Variants in ADK observed in about 807,000 individuals in gnomAD.
ADK encodes the protein adenosine kinase.
In ADK, 24 loss-of-function variants were observed where a neutral mutation model predicts 44.7. The observed-to-expected ratio is 0.54, with a 90% CI of 0.39 to 0.76. The LOEUF is 0.76. ADK is among the 30% of genes least tolerant of loss of function. The pLI, the probability that ADK is intolerant of heterozygous loss-of-function variation, is 0.00. For missense variants in ADK, 321 were observed against 425.1 expected (o/e 0.76, Z 2.15); for synonymous variants, 128 against 142.6 (o/e 0.90, Z 0.73).
intron 4 of ADK, among the ~76,000 whole-genome samples, chr10:74,333,773 G>T (rs1319990593): frequency 2.0e-5 from 3 of 152,006 alleles, no homozygotes; most frequent in Non-Finnish European, 4.4e-5. Flanking sequence ...AATAGGTATT[G>T]AAGCATATCT....
At chr10:74,250,989 A>G (rs1003684139) in intron 3 of ADK, among the ~76,000 whole-genome samples, 2 of 152,056 alleles carry the variant, frequency 1.3e-5, no homozygotes, top group Non-Finnish European at 2.9e-5. Context: ...CGATTCTTCC[A>G]TCTCAGTCTC....
rs1370241061 is a variant in ADK, at chr10:74,589,277, T to C, written c.727-5T>C. ...ATTAACTGTTCTTTTTTTTTTTTAT[T>C]TCAGGAAGCTGCCACTTTTGCTAGA... On this transcript the variant is annotated splice_polypyrimidine_tract_variant and splice_region_variant and intron_variant, in intron 7 of 10. Coordinates refer to ENST00000539909, the MANE Select transcript of ADK (RefSeq NM_006721.4). 1 of 1,613,626 alleles carries C rather than the reference T, an allele frequency of 6.2e-7. No homozygotes were observed. The highest frequency in any genetic ancestry group is 1.3e-5 in the African/African-American group (1 of 74,900).
chr10:74,525,764 C>T (rs1849012412), intron 7 of ADK, among the ~76,000 whole-genome samples: 1 of 152,090 alleles, frequency 6.6e-6, no homozygotes, highest in South Asian at 2.1e-4. Flanking sequence ...AAGCAGTTCT[C>T]CTGCCTCAGC....
Position 74,341,572 on chromosome 10 carries a change from C to G in ADK, c.273+26827C>G, listed in dbSNP as rs555339123. 6.0e-5 allele frequency among the ~76,000 whole-genome samples: 9 copies of G among 150,280 alleles called. No homozygotes were observed. The East Asian group carries it at 1.6e-3, about 26-fold the overall frequency. On this transcript the variant is annotated intron_variant, in intron 4 of 10. Transcript: ENST00000539909. ...GATTTTTGCAATCATTAACTTACTT[C>G]TTGCTGTCTGTTTTTATTGTCTTTG...
intron 9 of ADK, among the ~76,000 whole-genome samples, chr10:74,657,778 A>C (rs1854541510): frequency 6.6e-6 from 1 of 152,222 alleles, no homozygotes; most frequent in Non-Finnish European, 1.5e-5. Context: ...AGGAGTTCAA[A>C]GTTTAGTTGA....
chr10:74,471,658 T>G (rs1410010428), intron 6 of ADK, among the ~76,000 whole-genome samples: 1 of 152,176 alleles, frequency 6.6e-6, no homozygotes, highest in East Asian at 1.9e-4. Flanking sequence ...GTCTTTTCAT[T>G]TATTGGTGTC....
At chr10:74,496,080 G>T (rs1847673407) in intron 6 of ADK, among the ~76,000 whole-genome samples, 1 of 152,146 alleles carries the variant, frequency 6.6e-6, no homozygotes, top group Admixed American at 6.5e-5. Context: ...TTTGATAGGA[G>T]AATGTGCAGA....
chr10:74,426,730 A>G (rs907532968), intron 6 of ADK, among the ~76,000 whole-genome samples: 10 of 152,196 alleles, frequency 6.6e-5, no homozygotes, highest in Non-Finnish European at 1.5e-4. Flanking sequence ...AATAAAAATG[A>G]TATCACTGGG....
intron 3 of ADK, among the ~76,000 whole-genome samples, chr10:74,234,640 G>T (rs1388757023): frequency 2.0e-5 from 3 of 152,112 alleles, no homozygotes; most frequent in Non-Finnish European, 4.4e-5. Flanking sequence ...TTGGCTAATT[G>T]TTAAGGTAAA....
chr10:74,683,639 T>A (rs1855695213), intron 10 of ADK, among the ~76,000 whole-genome samples: 2 of 152,246 alleles, frequency 1.3e-5, no homozygotes, highest in African/African-American at 4.8e-5. Flanking sequence ...CAAGTATTTA[T>A]ATCAACCTCC....
At chr10:74,256,970 A>AT in intron 3 of ADK, among the ~76,000 whole-genome samples, 1 of 152,172 alleles carries the variant, frequency 6.6e-6, no homozygotes. Context: ...AGTTCTCATA[A>AT]TATGTGTAAA....
chr10:74,382,119 A>T (rs1241575802), intron 4 of ADK, among the ~76,000 whole-genome samples: 1 of 151,846 alleles, frequency 6.6e-6, no homozygotes, highest in Non-Finnish European at 1.5e-5. Context: ...TTTTCTCGAG[A>T]CATGGTCTCA....
At chr10:74,703,659 A>G (rs968189882) in intron 10 of ADK, among the ~76,000 whole-genome samples, 1 of 152,252 alleles carries the variant, frequency 6.6e-6, no homozygotes, top group Non-Finnish European at 1.5e-5. Flanking sequence ...GAAAATTTCC[A>G]TAAAGGATAT....
intron 6 of ADK, among the ~76,000 whole-genome samples, chr10:74,468,107 C>G (rs894931858): frequency 6.6e-6 from 1 of 152,160 alleles, no homozygotes; most frequent in African/African-American, 2.4e-5. Context: ...AGCAATGATT[C>G]TGACTGGGGA....
intron 9 of ADK, among the ~76,000 whole-genome samples, chr10:74,667,804 A>T (rs2134189035): frequency 6.6e-6 from 1 of 152,216 alleles, no homozygotes; most frequent in African/African-American, 2.4e-5. Flanking sequence ...AAGTGCTAGG[A>T]TTACAGATGT....
chr10:74,341,995 T>A (rs533983754), intron 4 of ADK, among the ~76,000 whole-genome samples: 6 of 152,162 alleles, frequency 3.9e-5, no homozygotes, highest in Non-Finnish European at 7.4e-5. Context: ...TTGTTCTTTG[T>A]TTTCATGCTA....
At chr10:74,371,109 T>C (rs1034422975) in intron 4 of ADK, among the ~76,000 whole-genome samples, 1 of 152,196 alleles carries the variant, frequency 6.6e-6, no homozygotes, top group Admixed American at 6.5e-5. Flanking sequence ...ATTGCAACTT[T>C]GGGGTTTGGA....
chr10:74,563,740 T>A (rs903634511), intron 7 of ADK, among the ~76,000 whole-genome samples: 17 of 152,344 alleles, frequency 1.1e-4, no homozygotes, highest in Middle Eastern at 3.4e-3. Context: ...ATACCATGAT[T>A]GCTGTCATAA....
At chr10:74,625,892 A>AT (rs1285988445) in intron 9 of ADK, among the ~76,000 whole-genome samples, 1 of 152,138 alleles carries the variant, frequency 6.6e-6, no homozygotes, top group Admixed American at 6.5e-5. Flanking sequence ...TTTATTAAGC[A>AT]TTTTTTTATT....
Sources: gnomAD v4.1 joint callset for allele counts (sites outside exome capture counted in the v4.1 genomes callset) on GRCh38, gnomAD v4.1.1 for gene constraint, MANE v1.5 for transcripts, NCBI Gene and HGNC (gene_info 2026-07-23, HGNC 2026-07-21) for gene names.